Variants in USP15 observed in about 807,000 individuals in gnomAD.
USP15 encodes the protein ubiquitin specific peptidase 15, also known as ubiquitin carboxyl-terminal hydrolase 15.
USP15 carries 18 observed loss-of-function variants against 127.1 expected under a neutral mutation model. That is an observed-to-expected ratio of 0.14 (90% CI 0.10 to 0.21). The LOEUF is 0.21. Among genes scored for constraint, USP15 ranks in the 10% least tolerant of loss-of-function variants. USP15 has a pLI of 1.00. For synonymous variants in USP15, 364 were observed against 393.7 expected (o/e 0.92, Z 0.89); for missense variants, 805 against 1,159.9 (o/e 0.69, Z 4.44).
chr12:62,358,418 A>G (rs565333937), intron 8 of USP15, among the ~76,000 whole-genome samples: 2 of 152,190 alleles, frequency 1.3e-5, no homozygotes, highest in African/African-American at 4.8e-5. Flanking sequence ...GTAAAAAATA[A>G]CAATACAACA....
chr12:62,342,921 G>C (rs1243143935), intron 6 of USP15, among the ~76,000 whole-genome samples: 1 of 152,186 alleles, frequency 6.6e-6, no homozygotes, highest in Non-Finnish European at 1.5e-5. Context: ...AGCAGAGCTG[G>C]TACGCTGTGC....
chr12:62,388,984 T>A (rs1017936597), intron 11 of USP15, among the ~76,000 whole-genome samples: 7 of 152,060 alleles, frequency 4.6e-5, no homozygotes, highest in African/African-American at 1.4e-4. Context: ...AATTAGCCAG[T>A]CATGGTGTCA....
chr12:62,313,681 A>G (rs2064747279), intron 3 of USP15, among the ~76,000 whole-genome samples: 1 of 151,844 alleles, frequency 6.6e-6, no homozygotes, highest in South Asian at 2.1e-4. Flanking sequence ...GTAGTTTAAC[A>G]TATTGGTTTT....
At chr12:62,359,398 G>A (rs752735140) in intron 8 of USP15, among the ~76,000 whole-genome samples, 11 of 151,910 alleles carry the variant, frequency 7.2e-5, no homozygotes, top group Non-Finnish European at 7.4e-5. Context: ...TTTTCTCATC[G>A]TCTGACAAGA....
intron 1 of USP15, among the ~76,000 whole-genome samples, chr12:62,283,629 G>T (rs2063712358): frequency 6.6e-6 from 1 of 152,124 alleles, no homozygotes; most frequent in Admixed American, 6.6e-5. Flanking sequence ...CAGGATGCTG[G>T]TGGATATCAG....
chr12:62,388,734 G>C (rs2067232927), intron 11 of USP15, among the ~76,000 whole-genome samples: 1 of 152,202 alleles, frequency 6.6e-6, no homozygotes, highest in African/African-American at 2.4e-5. Context: ...GAGAAAACAA[G>C]AGTTAAAAGG....
At chr12:62,270,522 C>G (rs1193086237) in intron 1 of USP15, among the ~76,000 whole-genome samples, 3 of 151,968 alleles carry the variant, frequency 2.0e-5, no homozygotes, top group Non-Finnish European at 4.4e-5. Flanking sequence ...GTAATTCAAT[C>G]GAGTTAATTT....
At chr12:62,289,660 T>A (rs560141977) in intron 1 of USP15, among the ~76,000 whole-genome samples, 1 of 151,458 alleles carries the variant, frequency 6.6e-6, no homozygotes, top group African/African-American at 2.4e-5. Flanking sequence ...TAGTTCTTGT[T>A]TTTCTGTTTC....
At chr12:62,302,192 C>T (rs1592537734) in intron 2 of USP15, among the ~76,000 whole-genome samples, 1 of 152,096 alleles carries the variant, frequency 6.6e-6, no homozygotes, top group South Asian at 2.1e-4. Flanking sequence ...GTTCCTAGCC[C>T]GTGTGTCTTG....
intron 8 of USP15, among the ~76,000 whole-genome samples, chr12:62,373,587 A>G (rs961008904): frequency 3.3e-5 from 5 of 152,014 alleles, no homozygotes; most frequent in African/African-American, 1.2e-4. Flanking sequence ...TAACATTTTA[A>G]TATTTTAAGT....
rs774314975 is a variant in USP15, at chr12:62,405,158, G to A, written c.*783G>A. ...TTAAAATGCATATCTTTAATTGGGT[G>A]TTGGTCCAAAATTAAAATTTTTGCT... On this transcript the variant is annotated 3_prime_UTR_variant, in exon 22 of 22. Transcript: ENST00000280377. 6 of 152,048 alleles carry A rather than the reference G, an allele frequency of 3.9e-5. No homozygotes were observed. Among genetic ancestry groups the A allele is most frequent in the Non-Finnish European group, 8.8e-5 (6 of 67,974 alleles). The allele number at this position is 152,048 out of a possible 1,614,324, so 9.4% of individuals were successfully genotyped here.
At chr12:62,308,038 C>T (rs2064538328) in intron 3 of USP15, among the ~76,000 whole-genome samples, 1 of 151,910 alleles carries the variant, frequency 6.6e-6, no homozygotes, top group Non-Finnish European at 1.5e-5. Flanking sequence ...TAAACTTCGT[C>T]ATAGGTATGT....
At chr12:62,309,495 GC>G (rs2137228763) in intron 3 of USP15, among the ~76,000 whole-genome samples, 1 of 152,144 alleles carries the variant, frequency 6.6e-6, no homozygotes, top group Non-Finnish European at 1.5e-5. Context: ...ATTTAGGGAA[GC>G]CATAAACCAA....
At chr12:62,270,333 G>C (rs1280521423) in intron 1 of USP15, among the ~76,000 whole-genome samples, 1 of 151,950 alleles carries the variant, frequency 6.6e-6, no homozygotes, top group South Asian at 2.1e-4. Context: ...TTTCTTGGTA[G>C]TGTCCACTGA....
intron 10 of USP15, 26 bp from the exon 11 acceptor site, chr12:62,384,052 C>T (rs1367689263): frequency 1.4e-5 from 23 of 1,610,112 alleles, no homozygotes; most frequent in Non-Finnish European, 1.9e-5. Context: ...ATACCTCTTT[C>T]TAATTTGTGT....
chr12:62,341,296 A>C (rs184446651), intron 6 of USP15, among the ~76,000 whole-genome samples: 1 of 152,140 alleles, frequency 6.6e-6, no homozygotes, highest in African/African-American at 2.4e-5. Context: ...GGGTGTCCTG[A>C]ATAAAGCACA....
At chr12:62,389,339 A>G (rs1192652576) in intron 11 of USP15, 92 bp from the exon 12 acceptor site, 3 of 1,070,504 alleles carry the variant, frequency 2.8e-6, no homozygotes, top group Non-Finnish European at 2.7e-6. Flanking sequence ...CAAATGCCAA[A>G]TGAATGTGAG....
At chr12:62,369,092 G>A (rs1389404529) in intron 8 of USP15, among the ~76,000 whole-genome samples, 1 of 152,124 alleles carries the variant, frequency 6.6e-6, no homozygotes, top group East Asian at 1.9e-4. Flanking sequence ...TTCATGTTTA[G>A]TGAATGAGGT....
chr12:62,311,302 AATTAATGG>A (rs897508303), intron 3 of USP15, among the ~76,000 whole-genome samples: 3 of 151,926 alleles, frequency 2.0e-5, no homozygotes, highest in African/African-American at 7.2e-5. Context: ...AGACTTAATG[AATTAATGG>A]ATCTAGCCTG....
Sources: allele counts gnomAD v4.1 joint callset (sites outside exome capture counted in the v4.1 genomes callset), GRCh38; gene constraint gnomAD v4.1.1; transcripts MANE v1.5; gene names NCBI Gene and HGNC (gene_info 2026-07-23, HGNC 2026-07-21).